ASIC2: variants seen among roughly 807,000 people sequenced by gnomAD.
The protein encoded by ASIC2 is acid sensing ion channel subunit 2, also known as acid-sensing ion channel 2.
Under a neutral mutation model 57.3 loss-of-function variants are expected in ASIC2, and 25 were observed. That is an observed-to-expected ratio of 0.44 (90% CI 0.32 to 0.61). ASIC2 has a LOEUF of 0.61. ASIC2 is among the 20% of genes least tolerant of loss of function. ASIC2 has a pLI of 0.06. For missense variants in ASIC2, 641 were observed against 738.1 expected, an observed-to-expected ratio of 0.87 and a Z score of 1.52; for synonymous variants, 319 against 307.5, an observed-to-expected ratio of 1.04 and a Z score of -0.39.
At chr17:33,767,125 GC>G (rs1910957369) in intron 1 of ASIC2, among the ~76,000 whole-genome samples, 1 of 152,184 alleles carries the variant, frequency 6.6e-6, no homozygotes, top group Non-Finnish European at 1.5e-5. Flanking sequence ...TGGATTTGAG[GC>G]TCACATTTGA....
chr17:33,688,839 T>A (rs1859366451), intron 1 of ASIC2: 1 of 152,216 alleles, frequency 6.6e-6, no homozygotes, highest in Non-Finnish European at 1.5e-5. Context: ...GAATGGCCCA[T>A]ACTTCCCCAG....
intron 1 of ASIC2, among the ~76,000 whole-genome samples, chr17:33,341,998 G>T (rs1265176886): frequency 1.3e-5 from 2 of 152,158 alleles, no homozygotes; most frequent in Non-Finnish European, 2.9e-5. Flanking sequence ...ACAGAGGGAA[G>T]TCGCATCAAG....
chr17:33,276,495 G>A (rs1369902780), intron 1 of ASIC2, among the ~76,000 whole-genome samples: 2 of 152,196 alleles, frequency 1.3e-5, no homozygotes, highest in Non-Finnish European at 2.9e-5. Flanking sequence ...GACAAAAACT[G>A]ATTACTGTGA....
chr17:33,340,724 A>G (rs143919074), intron 1 of ASIC2, among the ~76,000 whole-genome samples: 1 of 152,100 alleles, frequency 6.6e-6, no homozygotes, highest in Admixed American at 6.5e-5. Context: ...TGCATCATCA[A>G]ACGGGCTCTG....
intron 1 of ASIC2, among the ~76,000 whole-genome samples, chr17:33,808,993 T>C (rs1033374817): frequency 6.6e-6 from 1 of 152,252 alleles, no homozygotes; most frequent in Non-Finnish European, 1.5e-5. Context: ...CATTCTTGCC[T>C]GGCACCTCAG....
At chr17:33,621,379 T>G (rs1187911732) in intron 1 of ASIC2, among the ~76,000 whole-genome samples, 5 of 152,220 alleles carry the variant, frequency 3.3e-5, no homozygotes, top group Non-Finnish European at 7.3e-5. Flanking sequence ...TGCAAATGTC[T>G]CAGGCAGATA....
At chr17:33,341,419 CA>C (rs1907716205) in intron 1 of ASIC2, among the ~76,000 whole-genome samples, 1 of 152,170 alleles carries the variant, frequency 6.6e-6, no homozygotes, top group African/African-American at 2.4e-5. Flanking sequence ...CAGGAGTTGG[CA>C]AACCGTGACT....
intron 1 of ASIC2, among the ~76,000 whole-genome samples, chr17:33,906,886 A>G (rs905049669): frequency 3.3e-5 from 5 of 152,166 alleles, no homozygotes; most frequent in African/African-American, 1.2e-4. Context: ...TTGAATTCTA[A>G]TTACTCTGGT....
intron 1 of ASIC2, among the ~76,000 whole-genome samples, chr17:33,893,136 C>A (rs1001345221): frequency 2.6e-5 from 4 of 152,190 alleles, no homozygotes; most frequent in Non-Finnish European, 4.4e-5. Flanking sequence ...CATTAACTGG[C>A]TGGGTACCCA....
At chr17:33,487,918 C>T (rs1447312251) in intron 1 of ASIC2, among the ~76,000 whole-genome samples, 1 of 152,208 alleles carries the variant, frequency 6.6e-6, no homozygotes, top group Admixed American at 6.5e-5. Flanking sequence ...GCACTGTTGG[C>T]TCCCCTACTT....
At chr17:33,296,011 T>C (rs2142188634), upstream of ASIC2, among the ~76,000 whole-genome samples, 1 of 152,190 alleles carries the variant, frequency 6.6e-6, no homozygotes, top group East Asian at 1.9e-4. Context: ...TGCAAATCCT[T>C]GGTGCATGCA....
chr17:33,628,395 G>C (rs1906054416), intron 1 of ASIC2, among the ~76,000 whole-genome samples: 1 of 151,704 alleles, frequency 6.6e-6, no homozygotes, highest in Admixed American at 6.6e-5. Context: ...TGGCTCAAGT[G>C]ATCCTCCCTT....
At chr17:33,607,288 A>G (rs1009887876) in intron 1 of ASIC2, among the ~76,000 whole-genome samples, 4 of 152,134 alleles carry the variant, frequency 2.6e-5, no homozygotes, top group African/African-American at 9.7e-5. Flanking sequence ...GTGAGCAGTG[A>G]GCAATGAATA....
At chr17:33,633,348 CA>C (rs1906237394) in intron 1 of ASIC2, among the ~76,000 whole-genome samples, 1 of 152,198 alleles carries the variant, frequency 6.6e-6, no homozygotes, top group African/African-American at 2.4e-5. Flanking sequence ...GGACACAATG[CA>C]GAGGGCAGAT....
intron 1 of ASIC2, among the ~76,000 whole-genome samples, chr17:33,949,284 T>A (rs923826373): frequency 6.6e-6 from 1 of 152,126 alleles, no homozygotes; most frequent in Non-Finnish European, 1.5e-5. Flanking sequence ...CGAGAACTGG[T>A]CACTTCTCTG....
intron 1 of ASIC2, among the ~76,000 whole-genome samples, chr17:33,178,343 G>A (rs1484151309): frequency 1.3e-5 from 2 of 152,182 alleles, no homozygotes; most frequent in Non-Finnish European, 2.9e-5. Flanking sequence ...TAGAGAGACA[G>A]ACATGTAAAC....
chr17:33,303,121 AGGTGG>A (rs1277099704), intron 1 of ASIC2, among the ~76,000 whole-genome samples: 1 of 152,244 alleles, frequency 6.6e-6, no homozygotes, highest in East Asian at 1.9e-4. Context: ...TGTGCCACCC[AGGTGG>A]CAGAGCCAGG....
At chr17:33,615,295 A>C (rs72827225) in intron 1 of ASIC2, among the ~76,000 whole-genome samples, 1 of 152,218 alleles carries the variant, frequency 6.6e-6, no homozygotes, top group Admixed American at 6.5e-5. Context: ...GCAGTACTTA[A>C]AAGTACCTGT....
At chr17:33,098,758 AT>A (rs1567744010) in intron 2 of ASIC2, among the ~76,000 whole-genome samples, 1 of 151,980 alleles carries the variant, frequency 6.6e-6, no homozygotes, top group East Asian at 1.9e-4. Context: ...TTTCTTTTTC[AT>A]TTTTCATTTT....
Sources: gnomAD v4.1 joint callset for allele counts (sites outside exome capture counted in the v4.1 genomes callset) on GRCh38, gnomAD v4.1.1 for gene constraint, MANE v1.5 for transcripts, NCBI Gene and HGNC (gene_info 2026-07-23, HGNC 2026-07-21) for gene names.